The following CNTNAP5 variants were observed in gnomAD, a reference collection of about 807,000 sequenced individuals.
The protein encoded by CNTNAP5 is contactin-associated protein-like 5.
CNTNAP5 carries 72 observed loss-of-function variants against 150.2 expected under a neutral mutation model. The observed-to-expected ratio is 0.48, with a 90% CI of 0.40 to 0.58. CNTNAP5 has a LOEUF of 0.58. CNTNAP5 is among the 20% of genes least tolerant of loss of function. The probability of loss-of-function intolerance (pLI) is 0.00; values close to 1 mark genes in which losing one functional copy is unlikely to be tolerated. For synonymous variants in CNTNAP5, 672 were observed against 619.8 expected (o/e 1.08, Z -1.25); for missense variants, 1,636 against 1,626.2 (o/e 1.01, Z -0.10).
At chr2:124,600,779 AAG>A (rs1696970635) in intron 11 of CNTNAP5, among the ~76,000 whole-genome samples, 1 of 136,436 alleles carries the variant, frequency 7.3e-6, no homozygotes, top group Non-Finnish European at 1.6e-5. Flanking sequence ...AAGAGAGAGA[AAG>A]AGAGAAGCAA....
chr2:124,408,177 G>A (rs1691633469), intron 3 of CNTNAP5, among the ~76,000 whole-genome samples: 1 of 152,192 alleles, frequency 6.6e-6, no homozygotes, highest in Non-Finnish European at 1.5e-5. Flanking sequence ...TTTTCCGACG[G>A]GCTTAAAAAA....
intron 6 of CNTNAP5, among the ~76,000 whole-genome samples, chr2:124,451,051 A>AATATATATAT (rs1553469335): frequency 3.1e-5 from 2 of 65,288 alleles, no homozygotes; most frequent in African/African-American, 1.4e-4. Flanking sequence ...AAAAAAAAAA[A>AATATATATAT]ATATATATAT....
chr2:124,548,404 T>C (rs1695560898), intron 10 of CNTNAP5, among the ~76,000 whole-genome samples: 1 of 152,136 alleles, frequency 6.6e-6, no homozygotes, highest in Non-Finnish European at 1.5e-5. Context: ...AGATCAGAAC[T>C]GAAGTGGAGA....
chr2:124,580,380 T>C (rs1293583909), intron 11 of CNTNAP5, among the ~76,000 whole-genome samples: 2 of 152,214 alleles, frequency 1.3e-5, no homozygotes. Flanking sequence ...CAATCAAAGG[T>C]GGTCAACTGT....
At chr2:124,595,865 G>C (rs1184802556) in intron 11 of CNTNAP5, among the ~76,000 whole-genome samples, 1 of 134,388 alleles carries the variant, frequency 7.4e-6, no homozygotes, top group African/African-American at 2.7e-5. Context: ...GTTTAGTCTT[G>C]GGAGAGTGTA....
At chr2:124,755,950 C>G (rs191747107) in intron 14 of CNTNAP5, among the ~76,000 whole-genome samples, 1 of 152,258 alleles carries the variant, frequency 6.6e-6, no homozygotes, top group African/African-American at 2.4e-5. Flanking sequence ...TTTAGCGTCT[C>G]TGAGCTTCTG....
chr2:124,707,185 A>AGAT (rs1558743907), intron 13 of CNTNAP5, among the ~76,000 whole-genome samples: 10 of 148,426 alleles, frequency 6.7e-5, no homozygotes, highest in Non-Finnish European at 1.2e-4. Flanking sequence ...AAGAAGAAGA[A>AGAT]GAAGAAGAAG....
rs546237724 is a variant in CNTNAP5 at position 124,417,365 on chromosome 2, C to T, written c.382-78C>T. On this transcript the variant is annotated intron_variant, in intron 3 of 23. Coordinates refer to ENST00000682447, the MANE Select transcript of CNTNAP5 (RefSeq NM_001367498.1). ...ATTAGGTATGTTCTCAGTACGAGTT[C>T]GTGGAGTAACAAATATGGTTTTCCA... is the stretch of plus-strand genomic sequence containing the variant. The T allele has an allele frequency of 6.3e-5, 93 of 1,467,954 alleles. No individual in the cohort carries two copies. In the South Asian group the frequency reaches 1.1e-3, roughly 17 times the overall value. The allele number at this position is 1,467,954 out of a possible 1,614,324, so 90.9% of individuals were successfully genotyped here. A position where few individuals can be genotyped will look rare whatever the true frequency, so the allele number is the denominator to read the frequency against.
intron 12 of CNTNAP5, among the ~76,000 whole-genome samples, chr2:124,644,826 C>T (rs1312991726): frequency 2.6e-5 from 4 of 152,128 alleles, no homozygotes; most frequent in African/African-American, 9.7e-5. Context: ...TTCAAGCAAT[C>T]ATTTCTCCTG....
chr2:124,819,401 A>G (rs1011259657), intron 19 of CNTNAP5, among the ~76,000 whole-genome samples: 5 of 152,124 alleles, frequency 3.3e-5, no homozygotes, highest in African/African-American at 9.7e-5. Flanking sequence ...CCAGCAAATA[A>G]CATGGCAGTA....
chr2:124,589,092 G>T (rs1696619903), intron 11 of CNTNAP5, among the ~76,000 whole-genome samples: 2 of 152,046 alleles, frequency 1.3e-5, no homozygotes, highest in Admixed American at 6.6e-5. Flanking sequence ...GTGGTTTGTA[G>T]CATACTCACC....
chr2:124,912,832 A>G (rs1300630521), intron 23 of CNTNAP5, among the ~76,000 whole-genome samples: 1 of 152,004 alleles, frequency 6.6e-6, no homozygotes, highest in Non-Finnish European at 1.5e-5. Flanking sequence ...TGACTATCCC[A>G]TGCATTGAAG....
intron 1 of CNTNAP5, among the ~76,000 whole-genome samples, chr2:124,193,967 A>G (rs577073552): frequency 2.4e-4 from 36 of 152,094 alleles, no homozygotes; most frequent in African/African-American, 7.7e-4. Flanking sequence ...AGCTGGTTTT[A>G]TTGCTGTCCA....
At chr2:124,753,663 C>T (rs1196651760) in intron 14 of CNTNAP5, among the ~76,000 whole-genome samples, 2 of 152,134 alleles carry the variant, frequency 1.3e-5, no homozygotes, top group African/African-American at 2.4e-5. Flanking sequence ...ATTTGCCAAG[C>T]TTGAACAGTA....
At chr2:124,748,826 C>A (rs537809820) in intron 14 of CNTNAP5, among the ~76,000 whole-genome samples, 1 of 152,100 alleles carries the variant, frequency 6.6e-6, no homozygotes, top group East Asian at 1.9e-4. Flanking sequence ...TCAAGCTGGC[C>A]GAAGTTATAG....
chr2:124,351,272 G>A (rs1689869537), intron 3 of CNTNAP5, among the ~76,000 whole-genome samples: 1 of 152,134 alleles, frequency 6.6e-6, no homozygotes, highest in South Asian at 2.1e-4. Flanking sequence ...ATTTCCTTCA[G>A]GGCAGCCACT....
chr2:124,627,053 A>G (rs1372820114), intron 12 of CNTNAP5, among the ~76,000 whole-genome samples: 1 of 152,180 alleles, frequency 6.6e-6, no homozygotes, highest in Non-Finnish European at 1.5e-5. Context: ...TCTAGCAGCT[A>G]TAGTCAAAGA....
chr2:124,518,984 G>A (rs986098650), intron 8 of CNTNAP5, among the ~76,000 whole-genome samples: 8 of 118,690 alleles, frequency 6.7e-5, no homozygotes, highest in African/African-American at 2.8e-4. Context: ...GTGTACTTTA[G>A]CCTGGGCCGC....
intron 21 of CNTNAP5, among the ~76,000 whole-genome samples, chr2:124,881,476 T>C (rs928050947): frequency 6.6e-6 from 1 of 152,052 alleles, no homozygotes; most frequent in African/African-American, 2.4e-5. Context: ...AGCCCGAGTT[T>C]ACTGACTTGG....
Sources: allele counts gnomAD v4.1 joint callset (sites outside exome capture counted in the v4.1 genomes callset), GRCh38; gene constraint gnomAD v4.1.1; transcripts MANE v1.5; gene names NCBI Gene and HGNC (gene_info 2026-07-23, HGNC 2026-07-21).